Variants in COLEC10 observed in about 807,000 individuals in gnomAD.
The protein encoded by COLEC10 is collectin-10.
COLEC10 carries 22 observed loss-of-function variants against 28.4 expected under a neutral mutation model. That is an observed-to-expected ratio of 0.78 (90% confidence interval 0.55 to 1.11). COLEC10 has a LOEUF of 1.11. COLEC10 is among the 50% of genes least tolerant of loss of function. The pLI is 0.00. For missense variants in COLEC10, 361 were observed against 344.1 expected, an observed-to-expected ratio of 1.05 and a Z score of -0.39; for synonymous variants, 125 against 116.1, an observed-to-expected ratio of 1.08 and a Z score of -0.49.
chr8:118,956,100 T>C, the COLEC10 span, among the ~76,000 whole-genome samples: 1 of 152,148 alleles, frequency 6.6e-6, no homozygotes, highest in African/African-American at 2.4e-5. Context: ...GACTGCCAAC[T>C]TTACCTTGCA....
At chr8:119,097,883 G>A (rs1815752103) in intron 3 of COLEC10, among the ~76,000 whole-genome samples, 2 of 151,784 alleles carry the variant, frequency 1.3e-5, no homozygotes, top group South Asian at 2.1e-4. Context: ...TTTTAGATAA[G>A]TAACATTTTT....
chr8:119,061,850 A>G lies in COLEC10; in HGVS notation n.236-27830A>G, dbSNP rs545570208. On this transcript the variant is annotated intron_variant and non_coding_transcript_variant, in intron 2 of 6. Coordinates refer to the COLEC10 transcript ENST00000521788. ...TAACTCTTAGGATAACAGCTTGCTGACAAGCCTTCCAATCTTAATGGAGCA... is the reference window on the plus strand; with the variant it reads ...TAACTCTTAGGATAACAGCTTGCTGGCAAGCCTTCCAATCTTAATGGAGCA... Among the ~76,000 whole-genome samples the G allele has an allele frequency of 5.1e-4, 77 of 152,302 alleles. 1 individual carries two copies. The highest frequency in any genetic ancestry group is 1.7e-3 in the African/African-American group (70 of 41,584).
At position 119,001,813 on chromosome 8, in the gene COLEC10, T is replaced by C. The variant is rs555488181; in HGVS notation, n.122+6240T>C. On this transcript the variant is annotated intron_variant and non_coding_transcript_variant, in intron 1 of 6. Coordinates refer to the COLEC10 transcript ENST00000521788. The stretch of plus-strand genomic sequence containing the variant: ...TCAAGTATGAATCAGAGAGAACCAC[T>C]TTCAGCTTTAAAAATATAAACTCAA... Among the ~76,000 whole-genome samples the C allele has an allele frequency of 3.3e-5, 5 of 152,302 alleles. No homozygotes were observed. The South Asian group carries it at 1.0e-3, about 32-fold the overall frequency.
At chr8:118,979,737 AACAG>A in the COLEC10 span, among the ~76,000 whole-genome samples, 5 of 152,146 alleles carry the variant, frequency 3.3e-5, no homozygotes, top group African/African-American at 9.7e-5. Context: ...TGGATGCATG[AACAG>A]ACAGACAGAA....
chr8:119,093,696 A>C (rs1181893613), intron 3 of COLEC10, among the ~76,000 whole-genome samples: 1 of 152,188 alleles, frequency 6.6e-6, no homozygotes, highest in Non-Finnish European at 1.5e-5. Context: ...CTTTTAAGAC[A>C]TATTTCTTTT....
rs150543886 is a variant in COLEC10, at chr8:119,060,777, C to A, written n.236-28903C>A. ...TCTTTGCCCTATAATACAGTAGATA[C>A]TGTCATTAGTCAACTAACTCCACTT... On this transcript the variant is annotated intron_variant and non_coding_transcript_variant, in intron 2 of 6. Transcript: ENST00000521788. Among the ~76,000 whole-genome samples, 243 of 152,268 alleles carry A rather than the reference C, an allele frequency of 1.6e-3. 2 individuals are homozygous for A. The highest frequency in any genetic ancestry group is 5.7e-3 in the African/African-American group (237 of 41,562).
chr8:119,037,715 T>C (rs1814414245), intron 2 of COLEC10, among the ~76,000 whole-genome samples: 1 of 152,252 alleles, frequency 6.6e-6, no homozygotes, highest in Admixed American at 6.5e-5. Flanking sequence ...CCAAGTTTTC[T>C]GAACCCTAAG....
At chr8:118,977,771 A>ATAAG in the COLEC10 span, among the ~76,000 whole-genome samples, 1 of 150,042 alleles carries the variant, frequency 6.7e-6, no homozygotes, top group Non-Finnish European at 1.5e-5. Flanking sequence ...AAATAAATAA[A>ATAAG]TAATCAACTA....
upstream of COLEC10, among the ~76,000 whole-genome samples, chr8:119,062,276 T>A (rs1291621691): frequency 2.6e-5 from 4 of 151,794 alleles, no homozygotes; most frequent in Non-Finnish European, 5.9e-5. Context: ...TGAAAAAAAA[T>A]AAAAACCAGA....
At chr8:119,029,995 G>C (rs900041671) in intron 2 of COLEC10, among the ~76,000 whole-genome samples, 1 of 152,160 alleles carries the variant, frequency 6.6e-6, no homozygotes, top group African/African-American at 2.4e-5. Context: ...AATAGGGATA[G>C]AGTAGGAAAA....
Position 119,079,797 on chromosome 8 carries a change from T to C in COLEC10, c.149-9883T>C, listed in dbSNP as rs151034823. Among the ~76,000 whole-genome samples, 1,325 of 152,182 alleles carry C rather than the reference T, an allele frequency of 8.7e-3. 8 individuals are homozygous for C. The highest frequency in any genetic ancestry group is 0.015 in the Non-Finnish European group (1,042 of 68,010). On this transcript the variant is annotated intron_variant, in intron 1 of 5. Transcript: ENST00000332843. ...TTTGCTAGGTTGCAGAGGAACTAGC[T>C]GAAGGGGAAATGAAGTTCATGGGTC...
upstream of COLEC10, among the ~76,000 whole-genome samples, chr8:118,991,162 A>G (rs1813500501): frequency 6.6e-6 from 1 of 152,142 alleles, no homozygotes; most frequent in Admixed American, 6.6e-5. Context: ...AATTTCACAT[A>G]TATCATTTAT....
chr8:119,102,903 T>C (rs1305227030), intron 4 of COLEC10, among the ~76,000 whole-genome samples: 3 of 152,200 alleles, frequency 2.0e-5, no homozygotes, highest in Admixed American at 2.0e-4. Context: ...GATTGTACTT[T>C]GGTAATTTCA....
intron 3 of COLEC10, among the ~76,000 whole-genome samples, chr8:119,093,526 T>C (rs1815653004): frequency 6.6e-6 from 1 of 152,184 alleles, no homozygotes; most frequent in African/African-American, 2.4e-5. Flanking sequence ...TGAAGAGTCC[T>C]CATGTGTTTC....
intron 1 of COLEC10, among the ~76,000 whole-genome samples, chr8:119,087,953 T>A (rs1815514169): frequency 6.6e-6 from 1 of 152,160 alleles, no homozygotes; most frequent in Admixed American, 6.6e-5. Flanking sequence ...AGATGTCAAG[T>A]CCTTAGCTTG....
intron 2 of COLEC10, among the ~76,000 whole-genome samples, chr8:119,037,537 C>G (rs1814410985): frequency 2.0e-5 from 3 of 152,050 alleles, no homozygotes; most frequent in Admixed American, 2.0e-4. Context: ...TCATGAGATC[C>G]CAGCCCTAGA....
intron 5 of COLEC10, among the ~76,000 whole-genome samples, chr8:119,105,454 G>C (rs537728219): frequency 3.9e-5 from 6 of 152,082 alleles, no homozygotes; most frequent in Admixed American, 3.9e-4. Flanking sequence ...AGAGAAAAGG[G>C]CCTGCTCATG....
At chr8:119,071,659 A>G (rs1815128287) in intron 1 of COLEC10, among the ~76,000 whole-genome samples, 1 of 152,144 alleles carries the variant, frequency 6.6e-6, no homozygotes, top group Non-Finnish European at 1.5e-5. Context: ...TATCTTGTGT[A>G]TTGATGCATG....
At chr8:119,026,305 G>A (rs1814190494) in intron 2 of COLEC10, among the ~76,000 whole-genome samples, 1 of 152,112 alleles carries the variant, frequency 6.6e-6, no homozygotes, top group African/African-American at 2.4e-5. Flanking sequence ...TGTAATCCTA[G>A]CACTTTGGGA....
Sources: gnomAD v4.1 joint callset for allele counts (sites outside exome capture counted in the v4.1 genomes callset) on GRCh38, gnomAD v4.1.1 for gene constraint, MANE v1.5 for transcripts, NCBI Gene and HGNC (gene_info 2026-07-23, HGNC 2026-07-21) for gene names.